The following IFNAR2 variants were observed in gnomAD, a reference collection of about 807,000 sequenced individuals.
IFNAR2 encodes the protein interferon alpha/beta receptor 2.
IFNAR2 carries 30 observed loss-of-function variants against 49.4 expected under a neutral mutation model. That is an observed-to-expected ratio of 0.61 (90% CI 0.45 to 0.82). The LOEUF is 0.82. Ranked by LOEUF, IFNAR2 falls within the 40% of genes least tolerant of loss-of-function variation. IFNAR2 has a pLI of 0.00. For missense variants in IFNAR2, 600 were observed against 622.7 expected (o/e 0.96, Z 0.39); for synonymous variants, 224 against 234.5 (o/e 0.96, Z 0.41).
At chr21:33,258,836 A>G (rs1988384695) in intron 7 of IFNAR2, among the ~76,000 whole-genome samples, 1 of 152,110 alleles carries the variant, frequency 6.6e-6, no homozygotes, top group Admixed American at 6.5e-5. Flanking sequence ...GGACCCTCAG[A>G]GGGTTGTGAG....
chr21:33,262,154 C>G (rs1438907393), intron 8 of IFNAR2, among the ~76,000 whole-genome samples: 2 of 152,152 alleles, frequency 1.3e-5, no homozygotes, highest in Non-Finnish European at 2.9e-5. Flanking sequence ...ATCACGAGGT[C>G]GGGAGTTCAA....
Position 33,263,541 on chromosome 21 carries a change from C to T in IFNAR2, c.*41C>T. The T allele has an allele frequency of 6.5e-7, 1 of 1,543,038 alleles. No homozygotes were observed. The highest frequency in any genetic ancestry group is 1.2e-5 in the South Asian group (1 of 81,624). ...ATGAACTTGGACAGACAAGCACCTA[C>T]AGGGTTCTTTGTCTCTGCATCCTAA... On this transcript the variant is annotated 3_prime_UTR_variant, in exon 9 of 9. Transcript: ENST00000342136.
chr21:33,252,328 C>G, intron 6 of IFNAR2: 1 of 613,438 alleles, frequency 1.6e-6, no homozygotes, highest in Non-Finnish European at 2.5e-6. Flanking sequence ...GTAAAGTAGA[C>G]ACACACTGTC....
chr21:33,259,286 C>T (rs1988414483), intron 7 of IFNAR2, among the ~76,000 whole-genome samples: 1 of 152,096 alleles, frequency 6.6e-6, no homozygotes, highest in Non-Finnish European at 1.5e-5. Flanking sequence ...TCAATCACAG[C>T]TTCTCCTTTC....
chr21:33,261,527 T>A (rs1988569965), intron 8 of IFNAR2, among the ~76,000 whole-genome samples: 1 of 152,206 alleles, frequency 6.6e-6, no homozygotes, highest in South Asian at 2.1e-4. Flanking sequence ...ATCGTCTTTT[T>A]GTTTTGGATT....
intron 7 of IFNAR2, among the ~76,000 whole-genome samples, chr21:33,255,459 A>G (rs1988144755): frequency 6.6e-6 from 1 of 152,180 alleles, no homozygotes; most frequent in Non-Finnish European, 1.5e-5. Context: ...TGCTAAAATG[A>G]CTCACAGAAC....
chr21:33,237,289 T>TG (rs1279482143), intron 1 of IFNAR2, among the ~76,000 whole-genome samples: 1 of 151,878 alleles, frequency 6.6e-6, no homozygotes, highest in African/African-American at 2.4e-5. Flanking sequence ...CCAAGCCCTT[T>TG]GTGGGGCTGA....
At chr21:33,255,157 C>T (rs1350635275) in intron 7 of IFNAR2, among the ~76,000 whole-genome samples, 1 of 152,206 alleles carries the variant, frequency 6.6e-6, no homozygotes, top group Non-Finnish European at 1.5e-5. Context: ...CTTAAAACTG[C>T]ATATAGATTC....
intron 1 of IFNAR2, among the ~76,000 whole-genome samples, chr21:33,239,489 G>T (rs1210085271): frequency 1.3e-5 from 2 of 151,356 alleles, no homozygotes; most frequent in African/African-American, 4.9e-5. Context: ...CCTTCTGCAG[G>T]CCCAGAATGG....
intron 1 of IFNAR2, among the ~76,000 whole-genome samples, chr21:33,241,152 T>C (rs890142542): frequency 1.3e-5 from 2 of 152,212 alleles, no homozygotes; most frequent in African/African-American, 4.8e-5. Context: ...CTATGCAATA[T>C]ATCTATCTAA....
At chr21:33,259,483 A>G (rs1167630506) in intron 7 of IFNAR2, among the ~76,000 whole-genome samples, 1 of 152,182 alleles carries the variant, frequency 6.6e-6, no homozygotes, top group East Asian at 1.9e-4. Flanking sequence ...CAAATTGAGG[A>G]ATATTATCCT....
At chr21:33,261,337 A>ATGTTT (rs916606838) in intron 8 of IFNAR2, among the ~76,000 whole-genome samples, 3 of 151,894 alleles carry the variant, frequency 2.0e-5, no homozygotes, top group Non-Finnish European at 4.4e-5. Context: ...GCACTCAGCA[A>ATGTTT]TGTTTTGTTT....
chr21:33,231,655 C>T (rs893364625), intron 1 of IFNAR2: 2 of 981,300 alleles, frequency 2.0e-6, no homozygotes, highest in Non-Finnish European at 2.4e-6. Flanking sequence ...TTTTCTGCTA[C>T]CTTTATAAAC....
At chr21:33,245,162 C>G in intron 4 of IFNAR2, 88 bp downstream of exon 4, 1 of 1,008,156 alleles carries the variant, frequency 9.9e-7, no homozygotes. Flanking sequence ...CTCTGTCTCT[C>G]CCTCTCCCTT....
rs186972450 is a variant in IFNAR2, at chr21:33,263,445, A to T, written c.1493A>T (p.Gln498Leu). Residue 498 changes from glutamine (Q) to leucine (L), a missense_variant, in exon 9 of 9, where the codon CAA (glutamine) becomes CTA (leucine). Transcript: ENST00000342136. The part of the protein sequence containing the change: ...GLWSEDAPSD[Q>L]SDTSESDVDL... ...TGGTCCGAAGATGCTCCATCTGATCAAAGTGACACTTCTGAGTCAGATGTT... is the reference window on the plus strand; with the variant it reads ...TGGTCCGAAGATGCTCCATCTGATCTAAGTGACACTTCTGAGTCAGATGTT... 6.2e-7 allele frequency: 1 copy of T among 1,613,890 alleles called. No individual in the cohort carries two copies. Among genetic ancestry groups the T allele is most frequent in the South Asian group, 1.1e-5 (1 of 91,084 alleles).
rs775885380 is a variant in IFNAR2, at chr21:33,263,468, G to T, written c.1516G>T (p.Val506Phe). 1.2e-6 allele frequency: 2 copies of T among 1,613,036 alleles called. No individual in the cohort carries two copies. Among genetic ancestry groups the T allele is most frequent in the Non-Finnish European group, 8.5e-7 (1 of 1,179,536 alleles). Residue 506 changes from valine to phenylalanine, a missense_variant, in exon 9 of 9, where the codon GTT becomes TTT. By Grantham distance (50) the Val-to-Phe change is conservative (BLOSUM62 -1). Coordinates refer to ENST00000342136, the MANE Select transcript of IFNAR2 (RefSeq NM_001289125.3). ...SDQSDTSESD[V>F]DLGDGYIMR is the part of the protein sequence containing the mutation. The stretch of plus-strand genomic sequence containing the variant: ...TCAAAGTGACACTTCTGAGTCAGAT[G>T]TTGACCTTGGGGATGGTTATATAAT...
In IFNAR2 at chr21:33,264,699, G is replaced by A. The variant is rs1435220780; in HGVS notation, c.*1199G>A. 1 of 152,116 alleles carries A rather than the reference G, an allele frequency of 6.6e-6. No homozygotes were observed. Among genetic ancestry groups the A allele is most frequent in the Non-Finnish European group, 1.5e-5 (1 of 68,072 alleles). 9.4% of individuals were successfully genotyped at this position (152,116 alleles called of 1,614,324 possible). Reference sequence around the variant, plus strand: ...GTTGGGGGGGTGTGGGCGGGGGAAGGGAAGTCTGGCCCGGAGCAATTGCTC... The same window carrying A: ...GTTGGGGGGGTGTGGGCGGGGGAAGAGAAGTCTGGCCCGGAGCAATTGCTC... On this transcript the variant is annotated 3_prime_UTR_variant, in exon 9 of 9. Transcript: ENST00000342136.
At chr21:33,235,414 G>C (rs1218852781) in intron 1 of IFNAR2, among the ~76,000 whole-genome samples, 1 of 152,174 alleles carries the variant, frequency 6.6e-6, no homozygotes, top group Non-Finnish European at 1.5e-5. Context: ...AAACTGGAAA[G>C]GCTGATAGCC....
intron 2 of IFNAR2, among the ~76,000 whole-genome samples, chr21:33,242,761 G>A (rs1437766081): frequency 0.027 from 19 of 716 alleles, 1 homozygote; most frequent in African/African-American, 0.17. Flanking sequence ...TCGTGTGCGT[G>A]TGTGTGTGTG....
Sources: allele counts gnomAD v4.1 joint callset (sites outside exome capture counted in the v4.1 genomes callset), GRCh38; gene constraint gnomAD v4.1.1; transcripts MANE v1.5; gene names NCBI Gene and HGNC (gene_info 2026-07-23, HGNC 2026-07-21).